Variants in EXD3 observed in about 807,000 individuals in gnomAD.
The protein encoded by EXD3 is exonuclease 3'-5' domain containing 3, also known as exonuclease mut-7 homolog.
EXD3 carries 92 observed loss-of-function variants against 98.0 expected under a neutral mutation model. That is an observed-to-expected ratio of 0.94 (90% CI 0.79 to 1.12). The LOEUF is 1.12. EXD3 is among the 50% of genes most tolerant of loss of function. EXD3 has a pLI of 0.00. For missense variants in EXD3, 1,222 were observed against 1,191.6 expected, an observed-to-expected ratio of 1.03 and a Z score of -0.38; for synonymous variants, 569 against 526.0, an observed-to-expected ratio of 1.08 and a Z score of -1.12.
At chr9:137,335,462 C>T (rs1428073361) in intron 17 of EXD3, among the ~76,000 whole-genome samples, 5 of 152,234 alleles carry the variant, frequency 3.3e-5, no homozygotes, top group East Asian at 3.9e-4. Context: ...GGGCGGATCA[C>T]GAGGTCAGGA....
intron 18 of EXD3, 110 bp downstream of exon 18, chr9:137,323,980 G>A (rs1453821196): frequency 1.0e-5 from 16 of 1,525,400 alleles, no homozygotes; most frequent in Middle Eastern, 1.7e-4. Context: ...CGGCAGAGGC[G>A]CTGGGGGTCG....
rs1230852240 is a variant in EXD3, at chr9:137,349,514, C to T, written c.1512G>A (p.Val504=). The change falls in exon 15 of 22, where the codon GTG becomes GTA. Residue 504 remains valine (V), a synonymous_variant. Coordinates refer to ENST00000340951, the MANE Select transcript of EXD3 (RefSeq NM_017820.5). This position sits in a 1 kb window ranked among gnomAD's most constrained non-coding sequence, Gnocchi z 7.4. ...TGGCCCTGTCCACGGCTGGGGCTGGCACGCTCGCCACCCGCATCTGCTAAG... is the reference window on the plus strand; with the variant it reads ...TGGCCCTGTCCACGGCTGGGGCTGGTACGCTCGCCACCCGCATCTGCTAAG... ...LVHRQMRVAS[V]PAPAVDRARE... 8.1e-6 allele frequency: 13 copies of T among 1,595,102 alleles called. No homozygotes were observed. The highest frequency in any genetic ancestry group is 1.1e-5 in the South Asian group (1 of 89,780).
At chr9:137,361,881 C>T (rs957359058) in intron 7 of EXD3, among the ~76,000 whole-genome samples, 1 of 151,888 alleles carries the variant, frequency 6.6e-6, no homozygotes, top group African/African-American at 2.4e-5. Context: ...ATCACCAGCA[C>T]TGGGAATGGG....
At chr9:137,334,010 T>A (rs1430536057) in intron 17 of EXD3, among the ~76,000 whole-genome samples, 2 of 144,446 alleles carry the variant, frequency 1.4e-5, no homozygotes, top group Non-Finnish European at 3.0e-5. Flanking sequence ...GCCCAGCAAA[T>A]TTTTTTTTTT....
intron 1 of EXD3, among the ~76,000 whole-genome samples, chr9:137,413,738 C>A (rs1054298391): frequency 1.3e-5 from 2 of 151,702 alleles, no homozygotes; most frequent in Non-Finnish European, 2.9e-5. Flanking sequence ...CCTGACCTCA[C>A]GTGATCCACT....
At chr9:137,355,499 A>AGGAGAAAGGAGGAAGGAGGAAGGAGAAAG (rs1834629271) in intron 8 of EXD3, among the ~76,000 whole-genome samples, 1 of 27,726 alleles carries the variant, frequency 3.6e-5, no homozygotes, top group African/African-American at 1.0e-4. Context: ...GGATGGAGGA[A>AGGAGAAAGGAGGAAGGAGGAAGGAGAAAG]GGAGGAAGGA....
At chr9:137,376,169 C>A (rs1280119774) in intron 3 of EXD3, among the ~76,000 whole-genome samples, 1 of 151,734 alleles carries the variant, frequency 6.6e-6, no homozygotes, top group Non-Finnish European at 1.5e-5. Flanking sequence ...ACAGTGAAAC[C>A]TCGTCTCTAC....
intron 17 of EXD3, among the ~76,000 whole-genome samples, chr9:137,334,151 G>A (rs575858760): frequency 6.6e-6 from 1 of 152,080 alleles, no homozygotes; most frequent in Non-Finnish European, 1.5e-5. Flanking sequence ...ACAGGCACCC[G>A]CCACCACACC....
At chr9:137,419,907 C>A (rs958385953) in intron 1 of EXD3, among the ~76,000 whole-genome samples, 5 of 152,130 alleles carry the variant, frequency 3.3e-5, no homozygotes, top group African/African-American at 1.2e-4. Context: ...TGCCTGTAAT[C>A]CCAGCACTTT....
Position 137,323,982 on chromosome 9 carries a change from T to TG in EXD3, c.2052+107dup. The TG allele has an allele frequency of 4.6e-6, 7 of 1,528,592 alleles. No individual in the cohort carries two copies. The South Asian group carries it at 7.4e-5, about 16-fold the overall frequency. The allele number at this position is 1,528,592 out of a possible 1,614,324, so 94.7% of individuals were successfully genotyped here. On this transcript the variant is annotated intron_variant, in intron 18 of 21. Coordinates refer to ENST00000340951, the MANE Select transcript of EXD3 (RefSeq NM_017820.5). ...CCCACCAGGGGTACGGCAGAGGCGC[T>TG]GGGGGTCGGCCCCACGGCAAGCTGA...
chr9:137,327,258 T>A (rs1832466016), intron 17 of EXD3, among the ~76,000 whole-genome samples: 1 of 151,760 alleles, frequency 6.6e-6, no homozygotes, highest in Non-Finnish European at 1.5e-5. Context: ...CTCAGCCTCC[T>A]GAGTAGCTGG....
intron 17 of EXD3, 52 bp downstream of exon 17, chr9:137,348,019 C>A: frequency 6.4e-7 from 1 of 1,564,400 alleles, no homozygotes; most frequent in Non-Finnish European, 8.6e-7. Context: ...CACACCTGTG[C>A]TAGGGGCAGC....
chr9:137,333,425 T>C (rs1224413985), intron 17 of EXD3, among the ~76,000 whole-genome samples: 2 of 152,188 alleles, frequency 1.3e-5, no homozygotes, highest in Non-Finnish European at 2.9e-5. Context: ...TCTGTCCCTC[T>C]AGAGAACCCT....
intron 19 of EXD3, among the ~76,000 whole-genome samples, chr9:137,310,156 G>A (rs921007512): frequency 6.6e-6 from 1 of 152,238 alleles, no homozygotes; most frequent in African/African-American, 2.4e-5. Flanking sequence ...CCACTGCCCT[G>A]GGGCAGGTGT....
intron 17 of EXD3, among the ~76,000 whole-genome samples, chr9:137,337,029 A>C (rs958368674): frequency 6.6e-6 from 1 of 152,176 alleles, no homozygotes; most frequent in Non-Finnish European, 1.5e-5. Context: ...CTACTATATA[A>C]AAGAAGGTTG....
intron 7 of EXD3, among the ~76,000 whole-genome samples, chr9:137,362,879 C>T (rs1189518327): frequency 6.6e-6 from 1 of 152,094 alleles, no homozygotes; most frequent in African/African-American, 2.4e-5. Flanking sequence ...GGCGCAATCT[C>T]GGCTCACTGC....
rs1392551166 is a variant in EXD3 at position 137,324,419 on chromosome 9, G to A, written c.1999-276C>T. ...GAATTTAAAAAGCCATCCCTCAAAA[G>A]CAGAAGAAAATGAAATACATAAAAC... On this transcript the variant is annotated intron_variant, in intron 17 of 21. Coordinates refer to ENST00000340951, the MANE Select transcript of EXD3 (RefSeq NM_017820.5). The surrounding 1 kb of genome is among the most constrained non-coding windows in gnomAD (Gnocchi z 4.1). Among the ~76,000 whole-genome samples, 1 of 151,998 alleles carries A rather than the reference G, an allele frequency of 6.6e-6. No homozygotes were observed. The highest frequency in any genetic ancestry group is 1.5e-5 in the Non-Finnish European group (1 of 68,010).
At chr9:137,334,935 G>C (rs540205637) in intron 17 of EXD3, among the ~76,000 whole-genome samples, 2 of 151,986 alleles carry the variant, frequency 1.3e-5, no homozygotes, top group Non-Finnish European at 2.9e-5. Context: ...AAATGAGCCG[G>C]GCATGGTGGC....
chr9:137,360,727 C>A (rs192443207), intron 7 of EXD3, among the ~76,000 whole-genome samples: 1 of 85,672 alleles, frequency 1.2e-5, no homozygotes, highest in Admixed American at 1.4e-4. Context: ...TCCCAAAGTG[C>A]TGGGAATACA....
Sources: gnomAD v4.1 joint callset for allele counts (sites outside exome capture counted in the v4.1 genomes callset) on GRCh38, gnomAD v4.1.1 for gene constraint, Gnocchi (gnomAD v3.1) non-coding constraint, MANE v1.5 for transcripts, NCBI Gene and HGNC (gene_info 2026-07-23, HGNC 2026-07-21) for gene names.